Variants in ZDHHC20 observed in about 807,000 individuals in gnomAD.
The protein encoded by ZDHHC20 is palmitoyltransferase ZDHHC20.
ZDHHC20 carries 43 observed loss-of-function variants against 57.8 expected under a neutral mutation model. The ratio of observed to expected loss-of-function variants is 0.74; its 90% CI spans 0.58 to 0.96. The LOEUF is 0.96. ZDHHC20 is among the 40% of genes least tolerant of loss of function. ZDHHC20 has a pLI of 0.00. For synonymous variants in ZDHHC20, 157 were observed against 153.0 expected, an observed-to-expected ratio of 1.03 and a Z score of -0.19; for missense variants, 391 against 441.1, an observed-to-expected ratio of 0.89 and a Z score of 1.02.
intron 4 of ZDHHC20, among the ~76,000 whole-genome samples, chr13:21,407,364 C>T (rs562275472): frequency 3.9e-5 from 6 of 152,280 alleles, no homozygotes; most frequent in African/African-American, 1.2e-4. Flanking sequence ...TTTTGATTTG[C>T]ATTTCTCTAA....
chr13:21,385,710 A>C (rs1384780534), intron 9 of ZDHHC20, among the ~76,000 whole-genome samples: 2 of 152,246 alleles, frequency 1.3e-5, no homozygotes, highest in Non-Finnish European at 2.9e-5. Flanking sequence ...ATAAAGACGT[A>C]ACTGATGAAA....
At chr13:21,447,491 C>A (rs1883864718) in intron 1 of ZDHHC20, among the ~76,000 whole-genome samples, 1 of 146,112 alleles carries the variant, frequency 6.8e-6, no homozygotes, top group African/African-American at 2.5e-5. Context: ...GCTGTGTTGG[C>A]CGGGCCGGTC....
At chr13:21,413,063 C>A (rs1424877832) in intron 4 of ZDHHC20, among the ~76,000 whole-genome samples, 1 of 151,576 alleles carries the variant, frequency 6.6e-6, no homozygotes. Flanking sequence ...TTTAAACGAC[C>A]AGCCACTTAT....
chr13:21,380,679 C>T (rs1873198236), intron 11 of ZDHHC20, among the ~76,000 whole-genome samples: 1 of 151,420 alleles, frequency 6.6e-6, no homozygotes, highest in Non-Finnish European at 1.5e-5. Flanking sequence ...GTAGTCCCAG[C>T]TACTCGGGAG....
chr13:21,432,507 G>C (rs1023187820), intron 1 of ZDHHC20, among the ~76,000 whole-genome samples: 4 of 151,906 alleles, frequency 2.6e-5, no homozygotes, highest in Admixed American at 6.6e-5. Context: ...TTTTTTTTGT[G>C]TTTTTTAGTA....
rs1428314011 is a variant in ZDHHC20 at position 21,373,477 on chromosome 13, A to G, written c.*3219T>C. On this transcript the variant is annotated 3_prime_UTR_variant, in exon 13 of 13. Coordinates refer to ENST00000400590, the MANE Select transcript of ZDHHC20 (RefSeq NM_001330059.2). ...CTAATATGTAAAAAGTTTTAAAAAA[A>G]TCATCCTTACGTATAGATGAAAATA... The G allele has an allele frequency of 1.3e-5, 2 of 152,258 alleles. No homozygotes were observed. The highest frequency in any genetic ancestry group is 4.8e-5 in the African/African-American group (2 of 41,472). The allele number at this position is 152,258 out of a possible 1,614,324, so 9.4% of individuals were successfully genotyped here. A position where few individuals can be genotyped will look rare whatever the true frequency, so the allele number is the denominator to read the frequency against.
chr13:21,456,197 G>C (rs1394915962), intron 1 of ZDHHC20, among the ~76,000 whole-genome samples: 1 of 152,140 alleles, frequency 6.6e-6, no homozygotes. Context: ...CCTGAGGTCA[G>C]GAGTTTGAGA....
chr13:21,381,692 C>T, intron 10 of ZDHHC20, 143 bp from the exon 11 acceptor site: 1 of 625,984 alleles, frequency 1.6e-6, no homozygotes. Context: ...AAAAAACTAT[C>T]TTCAAAATAA....
intron 1 of ZDHHC20, among the ~76,000 whole-genome samples, chr13:21,442,600 C>T (rs1354450280): frequency 6.6e-6 from 1 of 151,894 alleles, no homozygotes; most frequent in Non-Finnish European, 1.5e-5. Flanking sequence ...ACTAAAAATA[C>T]AAAAATTAGC....
chr13:21,382,274 A>C (rs1471989827), intron 10 of ZDHHC20, among the ~76,000 whole-genome samples: 1 of 152,204 alleles, frequency 6.6e-6, no homozygotes, highest in African/African-American at 2.4e-5. Flanking sequence ...TGGTTCTTCC[A>C]ATATTAATAT....
chr13:21,454,476 G>C (rs1367597735), intron 1 of ZDHHC20, among the ~76,000 whole-genome samples: 1 of 152,134 alleles, frequency 6.6e-6, no homozygotes, highest in African/African-American at 2.4e-5. Flanking sequence ...TATCAAAATT[G>C]ATAGAATAAA....
In ZDHHC20 at chr13:21,408,029, G is replaced by A. The variant is rs1034628207; in HGVS notation, c.371-5163C>T. ...CTGTTTTGGTTACTGTAGCCTTGTA[G>A]TATAGTTTGAGGTCAGGTAATGTGA... is the stretch of plus-strand genomic sequence containing the variant. On this transcript the variant is annotated intron_variant, in intron 4 of 12. Transcript: ENST00000400590. 5.5e-4 allele frequency among the ~76,000 whole-genome samples: 83 copies of A among 152,160 alleles called. 6 individuals are homozygous for A. Among genetic ancestry groups the A allele is most frequent in the African/African-American group, 4.8e-5 (2 of 41,436 alleles).
chr13:21,389,515 T>C (rs1353906240), intron 8 of ZDHHC20, among the ~76,000 whole-genome samples: 1 of 152,228 alleles, frequency 6.6e-6, no homozygotes, highest in African/African-American at 2.4e-5. Context: ...TTATAAATAT[T>C]TGTGCATGTT....
At chr13:21,440,068 GAAAAAAAAAAA>G (rs376263181) in intron 1 of ZDHHC20, among the ~76,000 whole-genome samples, 5,199 of 89,836 alleles carry the variant, frequency 0.058, 156 homozygotes, top group African/African-American at 0.11. Context: ...CTGTTTCTCA[GAAAAAAAAAAA>G]AAAAAAAAAA....
intron 1 of ZDHHC20, among the ~76,000 whole-genome samples, chr13:21,445,188 T>A (rs1883565938): frequency 6.6e-6 from 1 of 152,100 alleles, no homozygotes; most frequent in South Asian, 2.1e-4. Flanking sequence ...ATAACAAATA[T>A]AATGAAAGGC....
intron 8 of ZDHHC20, 149 bp from the exon 9 acceptor site, chr13:21,387,783 T>C (rs1277551687): frequency 4.7e-6 from 2 of 428,470 alleles, no homozygotes; most frequent in East Asian, 4.1e-5. Context: ...AATTAAAAGA[T>C]AAATTTATGA....
chr13:21,417,503 A>T (rs1001552169), intron 3 of ZDHHC20, among the ~76,000 whole-genome samples: 2 of 152,122 alleles, frequency 1.3e-5, no homozygotes, highest in Non-Finnish European at 2.9e-5. Flanking sequence ...GCAATGGCGC[A>T]ATCTTGGCTT....
At chr13:21,404,182 T>C (rs540534862) in intron 4 of ZDHHC20, 12 of 395,084 alleles carry the variant, frequency 3.0e-5, no homozygotes, top group Middle Eastern at 3.6e-4. Flanking sequence ...TTAACAAAAA[T>C]TTTCCATACA....
chr13:21,400,926 G>A lies in ZDHHC20; in HGVS notation c.474-433C>T, dbSNP rs1015884080. Among the ~76,000 whole-genome samples the A allele has an allele frequency of 3.9e-5, 6 of 152,008 alleles. No individual in the cohort carries two copies. In the South Asian group the frequency reaches 1.0e-3, roughly 26 times the overall value. On this transcript the variant is annotated intron_variant, in intron 6 of 12. Transcript: ENST00000400590. ...GGGTTTCACCATGTTGCCCAGGCTGGTCTTGAACTCCTGACCTCTTCGATG... is the reference window on the plus strand; with the variant it reads ...GGGTTTCACCATGTTGCCCAGGCTGATCTTGAACTCCTGACCTCTTCGATG...
Sources: allele counts gnomAD v4.1 joint callset (sites outside exome capture counted in the v4.1 genomes callset), GRCh38; gene constraint gnomAD v4.1.1; transcripts MANE v1.5; gene names NCBI Gene and HGNC (gene_info 2026-07-23, HGNC 2026-07-21).